Variants in CDH12 observed in about 807,000 individuals in gnomAD.
CDH12 encodes cadherin 12.
A neutral mutation model predicts 74.1 loss-of-function variants in CDH12; 41 were observed. The observed-to-expected ratio is 0.55, with a 90% CI of 0.43 to 0.72. The LOEUF (loss-of-function observed/expected upper bound fraction) is 0.72. CDH12 is among the 30% of genes least tolerant of loss of function. CDH12 has a pLI of 0.00. For synonymous variants in CDH12, 399 were observed against 355.0 expected (o/e 1.12, Z -1.39); for missense variants, 945 against 977.2 (o/e 0.97, Z 0.44).
intron 3 of CDH12, among the ~76,000 whole-genome samples, chr5:22,280,573 C>T (rs1317878571): frequency 6.6e-6 from 1 of 152,048 alleles, no homozygotes; most frequent in African/African-American, 2.4e-5. Flanking sequence ...TACAAACTAC[C>T]ATCAGGGAAT....
In CDH12 at chr5:22,769,223, A is replaced by G. The variant is rs373259924; in HGVS notation, c.-523+83835T>C. Among the ~76,000 whole-genome samples the G allele has an allele frequency of 2.5e-4, 38 of 152,244 alleles. No individual in the cohort carries two copies. The East Asian group carries it at 6.0e-3, about 24-fold the overall frequency. ...TTTGAGTCAGTGGACTGGGAGAGAA[A>G]GACCCACCCTTAATGTGGGTGGGCA... is the stretch of plus-strand genomic sequence containing the variant. On this transcript the variant is annotated intron_variant, in intron 1 of 14. Coordinates refer to ENST00000382254, the MANE Select transcript of CDH12 (RefSeq NM_004061.5).
chr5:22,303,935 A>G (rs568630288), intron 3 of CDH12, among the ~76,000 whole-genome samples: 2 of 152,250 alleles, frequency 1.3e-5, no homozygotes, highest in East Asian at 3.9e-4. Context: ...ATATTTTAGG[A>G]TCATATTAAT....
At chr5:21,996,662 T>G (rs1385180083) in intron 5 of CDH12, among the ~76,000 whole-genome samples, 3 of 152,184 alleles carry the variant, frequency 2.0e-5, no homozygotes, top group Non-Finnish European at 4.4e-5. Flanking sequence ...CCTTTTAATG[T>G]TTCATAAATC....
chr5:21,858,048 T>G (rs1197192784), intron 6 of CDH12, among the ~76,000 whole-genome samples: 1 of 151,456 alleles, frequency 6.6e-6, no homozygotes, highest in East Asian at 2.0e-4. Flanking sequence ...AGGTCACCAC[T>G]TCTATTGGAT....
chr5:22,391,657 T>G (rs549437329), intron 3 of CDH12, among the ~76,000 whole-genome samples: 9 of 152,152 alleles, frequency 5.9e-5, no homozygotes, highest in Non-Finnish European at 1.3e-4. Context: ...TAACTGATTT[T>G]TTTTTATGAC....
At chr5:22,783,391 C>T (rs891167253) in intron 1 of CDH12, among the ~76,000 whole-genome samples, 1 of 152,086 alleles carries the variant, frequency 6.6e-6, no homozygotes, top group Non-Finnish European at 1.5e-5. Context: ...CTTAGTTTCA[C>T]GGCTCACACT....
At chr5:22,717,414 G>A (rs752445429) in intron 1 of CDH12, among the ~76,000 whole-genome samples, 12 of 152,098 alleles carry the variant, frequency 7.9e-5, no homozygotes, top group Non-Finnish European at 1.6e-4. Flanking sequence ...TGTGTAGTAG[G>A]CTGTACCACT....
intron 3 of CDH12, among the ~76,000 whole-genome samples, chr5:22,321,152 T>C (rs1382178020): frequency 6.6e-6 from 1 of 152,110 alleles, no homozygotes; most frequent in Non-Finnish European, 1.5e-5. Flanking sequence ...ATAAATTTAA[T>C]ACCAAAGGCT....
chr5:22,802,261 A>G (rs1748570375), intron 1 of CDH12, among the ~76,000 whole-genome samples: 1 of 151,498 alleles, frequency 6.6e-6, no homozygotes, highest in Non-Finnish European at 1.5e-5. Context: ...AGCTGGGACT[A>G]CAGGCGCCCG....
At chr5:22,662,419 T>G (rs982392867) in intron 1 of CDH12, among the ~76,000 whole-genome samples, 2 of 152,076 alleles carry the variant, frequency 1.3e-5, no homozygotes, top group Non-Finnish European at 1.5e-5. Flanking sequence ...GGAAATGTGG[T>G]TTGGTAGCAA....
At chr5:22,555,206 CTA>C (rs1392150534) in intron 1 of CDH12, among the ~76,000 whole-genome samples, 2 of 151,780 alleles carry the variant, frequency 1.3e-5, no homozygotes, top group African/African-American at 2.4e-5. Context: ...GAAAGATATT[CTA>C]TGATTGTAAA....
chr5:22,691,035 C>T (rs920349145), intron 1 of CDH12, among the ~76,000 whole-genome samples: 3 of 152,146 alleles, frequency 2.0e-5, no homozygotes, highest in Non-Finnish European at 4.4e-5. Flanking sequence ...GTTAAAACCA[C>T]TTAGCATTTA....
chr5:21,854,465 A>G (rs1385737794), intron 7 of CDH12, among the ~76,000 whole-genome samples: 1 of 151,734 alleles, frequency 6.6e-6, no homozygotes, highest in Non-Finnish European at 1.5e-5. Flanking sequence ...TTAGAAAGAT[A>G]TGTTAAAAGG....
intron 6 of CDH12, among the ~76,000 whole-genome samples, chr5:21,970,311 C>T (rs979858261): frequency 2.0e-4 from 31 of 152,230 alleles, no homozygotes; most frequent in Middle Eastern, 3.4e-3. Flanking sequence ...GATGATAATT[C>T]ACCTGTTCCT....
chr5:22,176,781 A>T (rs1172613087), intron 4 of CDH12, among the ~76,000 whole-genome samples: 4 of 152,134 alleles, frequency 2.6e-5, no homozygotes, highest in Non-Finnish European at 5.9e-5. Context: ...TGCTAGGAGC[A>T]TATCCAAACT....
At chr5:22,706,473 G>C (rs950031919) in intron 1 of CDH12, among the ~76,000 whole-genome samples, 3 of 151,332 alleles carry the variant, frequency 2.0e-5, no homozygotes, top group Non-Finnish European at 4.4e-5. Flanking sequence ...TGAATGTTTT[G>C]GTATGTTACA....
intron 1 of CDH12, among the ~76,000 whole-genome samples, chr5:22,528,472 T>C (rs1737389281): frequency 6.6e-6 from 1 of 152,110 alleles, no homozygotes; most frequent in African/African-American, 2.4e-5. Flanking sequence ...GAGCTCAACT[T>C]GCATTGTAAT....
chr5:21,761,257 C>T (rs1187385475), intron 12 of CDH12, among the ~76,000 whole-genome samples: 4 of 152,034 alleles, frequency 2.6e-5, no homozygotes, highest in East Asian at 1.9e-4. Flanking sequence ...AAAATTTTTC[C>T]TAAATTGCTT....
At chr5:22,251,866 AT>A (rs200811020) in intron 3 of CDH12, among the ~76,000 whole-genome samples, 2,608 of 152,284 alleles carry the variant, frequency 0.017, 32 homozygotes, top group African/African-American at 0.021. Flanking sequence ...GCAGAAAAAA[AT>A]ATAGATGTAT....
Sources: gnomAD v4.1 joint callset for allele counts (sites outside exome capture counted in the v4.1 genomes callset) on GRCh38, gnomAD v4.1.1 for gene constraint, MANE v1.5 for transcripts, NCBI Gene and HGNC (gene_info 2026-07-23, HGNC 2026-07-21) for gene names.